Variants in KANK4 observed in about 807,000 individuals in gnomAD.
KANK4 encodes KN motif and ankyrin repeat domains 4.
Under a neutral mutation model 80.8 loss-of-function variants are expected in KANK4, and 50 were observed. The observed-to-expected ratio is 0.62, with a 90% CI of 0.49 to 0.78. The LOEUF is 0.78. Ranked by LOEUF, KANK4 falls within the 30% of genes least tolerant of loss-of-function variation. KANK4 has a pLI of 0.00. For synonymous variants in KANK4, 465 were observed against 506.9 expected (o/e 0.92, Z 1.11); for missense variants, 1,196 against 1,240.1 (o/e 0.96, Z 0.53).
At chr1:62,244,973 C>T (rs1212846969) in intron 9 of KANK4, among the ~76,000 whole-genome samples, 1 of 152,226 alleles carries the variant, frequency 6.6e-6, no homozygotes, top group Non-Finnish European at 1.5e-5. Flanking sequence ...GTACCTGTGA[C>T]AGACCTCCAG....
rs1672225650 is a variant in KANK4 at position 62,273,671 on chromosome 1, G to A, written c.1433C>T (p.Ser478Leu). The change falls in exon 3 of 10, where the codon TCA becomes TTA. Residue 478 changes from serine (S) to leucine (L), a missense_variant. Ser to Leu is a moderately radical substitution (Grantham distance 145). Coordinates refer to ENST00000371153, the MANE Select transcript of KANK4 (RefSeq NM_181712.5). ...PAERVLLPQLSLPQGPEQVLT... is the reference protein window; with the variant it reads ...PAERVLLPQLLLPQGPEQVLT... The stretch of plus-strand genomic sequence containing the variant: ...GACCTGCTCGGGTCCCTGTGGCAGT[G>A]ACAGCTGGGGCAGAAGCACACGTTC... The A allele has an allele frequency of 1.9e-6, 3 of 1,614,138 alleles. No individual in the cohort carries two copies. The highest frequency in any genetic ancestry group is 2.5e-6 in the Non-Finnish European group (3 of 1,180,012).
intron 9 of KANK4, among the ~76,000 whole-genome samples, chr1:62,239,004 A>G (rs2149111012): frequency 6.6e-6 from 1 of 152,088 alleles, no homozygotes; most frequent in African/African-American, 2.4e-5. Flanking sequence ...TATCTAAGTG[A>G]AAGTTCGCAT....
chr1:62,266,005 C>A (rs1351544573), intron 6 of KANK4, among the ~76,000 whole-genome samples: 1 of 152,210 alleles, frequency 6.6e-6, no homozygotes, highest in Admixed American at 6.5e-5. Context: ...TGCCTAATAT[C>A]TCACAGATGA....
At chr1:62,266,660 A>C (rs767915533) in intron 6 of KANK4, 72 bp downstream of exon 6, 164 of 1,051,526 alleles carry the variant, frequency 1.6e-4, no homozygotes, top group Non-Finnish European at 2.4e-4. Flanking sequence ...GAATGGGACC[A>C]AAGTCACCCT....
At chr1:62,317,337 C>T (rs971635984) in intron 1 of KANK4, among the ~76,000 whole-genome samples, 4 of 152,128 alleles carry the variant, frequency 2.6e-5, no homozygotes, top group Non-Finnish European at 5.9e-5. Flanking sequence ...GGGAATGAAC[C>T]GCTCGCTGCT....
intron 2 of KANK4, among the ~76,000 whole-genome samples, chr1:62,275,581 G>A (rs1219420110): frequency 1.3e-5 from 2 of 152,202 alleles, no homozygotes; most frequent in Non-Finnish European, 1.5e-5. Context: ...CAAATTGGTA[G>A]AAGTAAATCT....
chr1:62,283,915 AGATTTCTCTTAGACTTG>A (rs1174913805), intron 1 of KANK4, among the ~76,000 whole-genome samples: 53 of 152,200 alleles, frequency 3.5e-4, no homozygotes, highest in African/African-American at 1.1e-3. Context: ...GAGACCTCGA[AGATTTCTCTTAGACTTG>A]GATTTCTCTT....
intron 9 of KANK4, among the ~76,000 whole-genome samples, chr1:62,245,056 T>G (rs879258980): frequency 2.0e-5 from 3 of 152,216 alleles, no homozygotes; most frequent in Non-Finnish European, 4.4e-5. Context: ...AGCTCATGCC[T>G]GCCTGCCTGT....
intron 7 of KANK4, among the ~76,000 whole-genome samples, chr1:62,255,173 C>T (rs939879116): frequency 1.3e-4 from 20 of 152,110 alleles, no homozygotes; most frequent in African/African-American, 3.4e-4. Flanking sequence ...GCATGAGCCA[C>T]GGTGCCTAGC....
intron 1 of KANK4, among the ~76,000 whole-genome samples, chr1:62,317,457 T>C (rs2149177461): frequency 1.3e-5 from 2 of 152,272 alleles, no homozygotes; most frequent in South Asian, 4.2e-4. Flanking sequence ...CACTATGATC[T>C]AGCCAGGGGA....
In KANK4 at chr1:62,238,286, C is replaced by A. The variant is rs754361735; in HGVS notation, c.2979G>T (p.Leu993=). 1.2e-6 allele frequency: 2 copies of A among 1,613,234 alleles called. No individual in the cohort carries two copies. Among genetic ancestry groups the A allele is most frequent in the Non-Finnish European group, 1.7e-6 (2 of 1,179,254 alleles). The change falls in exon 10 of 10, where the codon CTG becomes CTT. Residue 993 remains leucine, a synonymous_variant. Coordinates refer to ENST00000371153, the MANE Select transcript of KANK4 (RefSeq NM_181712.5). The stretch of plus-strand genomic sequence containing the variant: ...AGTTCTTCTGCAGCCCCTACAGCCC[C>A]AGGGACCTGCCCTGCTCCGCGTGGG... ...LRAHAEQGRS[L]GL
intron 1 of KANK4, among the ~76,000 whole-genome samples, chr1:62,305,737 C>G (rs10157938): frequency 0.82 from 124,522 of 152,102 alleles, 51,300 homozygotes; most frequent in African/African-American, 0.89. Flanking sequence ...GAAGAAAAAT[C>G]GGGAATCCAA....
At chr1:62,277,533 G>T (rs1054442727) in intron 2 of KANK4, among the ~76,000 whole-genome samples, 2 of 152,170 alleles carry the variant, frequency 1.3e-5, no homozygotes, top group African/African-American at 4.8e-5. Flanking sequence ...GATCTTGAAG[G>T]CTAGGTCATA....
intron 4 of KANK4, among the ~76,000 whole-genome samples, chr1:62,271,139 A>G (rs1672152331): frequency 6.6e-6 from 1 of 152,186 alleles, no homozygotes; most frequent in African/African-American, 2.4e-5. Flanking sequence ...AGTTCCACGA[A>G]TTAACAGAAT....
Position 62,274,479 on chromosome 1 carries a change from C to A in KANK4, c.625G>T (p.Gly209Ter). The change falls in exon 3 of 10, where the codon GGA becomes TGA. Residue 209 changes from glycine to a stop codon, truncating the protein, a stop_gained. Transcript: ENST00000371153. LOFTEE classifies it high-confidence loss of function. ...VCDGTFEPAEGLAGFHSSSPR... is the reference protein window; with the variant it reads ...VCDGTFEPAE Reference sequence around the variant, plus strand: ...CTGGAGCTGTGGAAACCTGCCAATCCTTCTGCAGGTTCAAAGGTGCCATCA... The same window carrying A: ...CTGGAGCTGTGGAAACCTGCCAATCATTCTGCAGGTTCAAAGGTGCCATCA... 2 of 1,614,238 alleles carry A rather than the reference C, an allele frequency of 1.2e-6. No homozygotes were observed. Among genetic ancestry groups the A allele is most frequent in the East Asian group, 4.5e-5 (2 of 44,874 alleles).
chr1:62,263,350 G>A (rs550470949), intron 6 of KANK4, 39 bp from the exon 7 acceptor site: 48 of 1,532,962 alleles, frequency 3.1e-5, no homozygotes, highest in Non-Finnish European at 3.9e-5. Flanking sequence ...GAGGTTCCCC[G>A]GCCAGCAAGA....
In KANK4 at chr1:62,237,930, T is replaced by C. The variant is rs1331873695; in HGVS notation, c.*347A>G. The C allele has an allele frequency of 4.9e-6, 1 of 205,640 alleles. No homozygotes were observed. The highest frequency in any genetic ancestry group is 9.8e-6 in the Non-Finnish European group (1 of 102,254). 12.7% of individuals were successfully genotyped at this position (205,640 alleles called of 1,614,324 possible). A position where few individuals can be genotyped will look rare whatever the true frequency, so the allele number is the denominator to read the frequency against. The stretch of plus-strand genomic sequence containing the variant: ...AAAAAGTATTGCTTTTCTAATGTGC[T>C]AATGTGCTCCTGCCTGCCTGCTTGC... On this transcript the variant is annotated 3_prime_UTR_variant, in exon 10 of 10. Coordinates refer to ENST00000371153, the MANE Select transcript of KANK4 (RefSeq NM_181712.5).
chr1:62,286,313 T>C (rs2666487), intron 1 of KANK4, among the ~76,000 whole-genome samples: 115,956 of 152,218 alleles, frequency 0.76, 44,790 homozygotes, highest in East Asian at 0.91. Flanking sequence ...TCAGCACAGC[T>C]GTGTCTGTTT....
At chr1:62,245,044 A>AAAGCTC (rs1395159715) in intron 9 of KANK4, among the ~76,000 whole-genome samples, 2 of 152,194 alleles carry the variant, frequency 1.3e-5, no homozygotes, top group Non-Finnish European at 1.5e-5. Context: ...AGGGACTTCC[A>AAAGCTC]AAGCTCATGC....
Sources: gnomAD v4.1 joint callset for allele counts (sites outside exome capture counted in the v4.1 genomes callset) on GRCh38, gnomAD v4.1.1 for gene constraint, MANE v1.5 for transcripts, NCBI Gene and HGNC (gene_info 2026-07-23, HGNC 2026-07-21) for gene names.